CSMD1: variants seen among roughly 807,000 people sequenced by gnomAD.
The protein encoded by CSMD1 is CUB and sushi domain-containing protein 1.
In CSMD1, 213 loss-of-function variants were observed where a neutral mutation model predicts 417.5. The ratio of observed to expected loss-of-function variants is 0.51; its 90% CI spans 0.46 to 0.57. The LOEUF (loss-of-function observed/expected upper bound fraction) is 0.57. Among genes scored for constraint, CSMD1 ranks in the 20% least tolerant of loss-of-function variants. The probability of loss-of-function intolerance (pLI) is 0.00; values close to 1 mark genes in which losing one functional copy is unlikely to be tolerated. For synonymous variants in CSMD1, 2,862 were observed against 1,736.8 expected, an observed-to-expected ratio of 1.65 and a Z score of -16.11; for missense variants, 6,923 against 4,529.7, an observed-to-expected ratio of 1.53 and a Z score of -15.17.
chr8:4,192,243 C>T (rs1325583011), intron 3 of CSMD1, among the ~76,000 whole-genome samples: 3 of 152,026 alleles, frequency 2.0e-5, no homozygotes, highest in African/African-American at 4.8e-5. Context: ...AAATATAGTT[C>T]GTTAGGATTA....
At chr8:4,120,662 C>T (rs145243452) in intron 3 of CSMD1, among the ~76,000 whole-genome samples, 6 of 152,310 alleles carry the variant, frequency 3.9e-5, no homozygotes, top group Non-Finnish European at 5.9e-5. Flanking sequence ...AACTTCATCA[C>T]GTGACTTTTA....
chr8:4,192,920 C>A (rs1196541134), intron 3 of CSMD1, among the ~76,000 whole-genome samples: 1 of 152,152 alleles, frequency 6.6e-6, no homozygotes, highest in East Asian at 1.9e-4. Context: ...ACTCACTTTA[C>A]CTAAGAGTAT....
intron 6 of CSMD1, among the ~76,000 whole-genome samples, chr8:3,731,321 C>CT (rs1796239912): frequency 6.6e-6 from 1 of 152,170 alleles, no homozygotes; most frequent in Non-Finnish European, 1.5e-5. Context: ...CTGAATGCCT[C>CT]TCTTGAAAGA....
At chr8:4,375,749 G>A (rs1364651573) in intron 3 of CSMD1, among the ~76,000 whole-genome samples, 1 of 152,106 alleles carries the variant, frequency 6.6e-6, no homozygotes, top group Non-Finnish European at 1.5e-5. Flanking sequence ...CCTGCACCAT[G>A]CCCTGCCCTG....
intron 3 of CSMD1, among the ~76,000 whole-genome samples, chr8:4,077,004 A>T (rs1156875385): frequency 6.6e-6 from 1 of 152,166 alleles, no homozygotes; most frequent in African/African-American, 2.4e-5. Flanking sequence ...TCCAGCTAAT[A>T]GTAAGAAAAA....
At chr8:4,491,950 A>T (rs529628979) in intron 2 of CSMD1, among the ~76,000 whole-genome samples, 3 of 152,306 alleles carry the variant, frequency 2.0e-5, no homozygotes, top group Non-Finnish European at 4.4e-5. Flanking sequence ...CATAATTGCC[A>T]AAAATTGGAA....
At chr8:4,165,000 G>A (rs1797373340) in intron 3 of CSMD1, among the ~76,000 whole-genome samples, 2 of 152,076 alleles carry the variant, frequency 1.3e-5, no homozygotes, top group South Asian at 4.1e-4. Flanking sequence ...AGTTTCCTAT[G>A]TTCTTGTATG....
At chr8:4,252,213 G>A (rs962126637) in intron 3 of CSMD1, among the ~76,000 whole-genome samples, 1 of 152,134 alleles carries the variant, frequency 6.6e-6, no homozygotes, top group African/African-American at 2.4e-5. Context: ...CAAGACAAAG[G>A]TAAACAGGCA....
intron 1 of CSMD1, among the ~76,000 whole-genome samples, chr8:4,872,494 G>C (rs921577025): frequency 2.6e-5 from 4 of 152,000 alleles, no homozygotes; most frequent in African/African-American, 9.7e-5. Context: ...GCCTTCTGAA[G>C]AAGGCACCTG....
At chr8:3,706,702 G>C (rs1563293066) in intron 7 of CSMD1, among the ~76,000 whole-genome samples, 1 of 151,764 alleles carries the variant, frequency 6.6e-6, no homozygotes, top group Non-Finnish European at 1.5e-5. Context: ...GTAAGAGTTT[G>C]GCCGGATATG....
intron 7 of CSMD1, among the ~76,000 whole-genome samples, chr8:3,631,042 G>A (rs1011049804): frequency 2.0e-5 from 3 of 152,114 alleles, no homozygotes; most frequent in Non-Finnish European, 2.9e-5. Flanking sequence ...ATGCTTCTTT[G>A]CTCGTGCCGC....
intron 7 of CSMD1, among the ~76,000 whole-genome samples, chr8:3,640,091 G>A (rs1326050431): frequency 6.6e-6 from 1 of 152,124 alleles, no homozygotes; most frequent in Non-Finnish European, 1.5e-5. Context: ...AAAAATTGAA[G>A]GCTCTCCCAT....
intron 3 of CSMD1, among the ~76,000 whole-genome samples, chr8:4,070,620 G>C (rs1278473548): frequency 2.0e-5 from 3 of 152,096 alleles, no homozygotes; most frequent in Non-Finnish European, 4.4e-5. Context: ...GCCTCCCAAA[G>C]TGCTGGGATT....
intron 40 of CSMD1, among the ~76,000 whole-genome samples, chr8:3,147,982 C>G (rs994792199): frequency 6.6e-6 from 1 of 152,174 alleles, no homozygotes; most frequent in East Asian, 1.9e-4. Flanking sequence ...CAAGATCACC[C>G]TAACAGCATT....
chr8:4,132,760 T>G (rs1418664403), intron 3 of CSMD1, among the ~76,000 whole-genome samples: 1 of 152,194 alleles, frequency 6.6e-6, no homozygotes, highest in African/African-American at 2.4e-5. Context: ...GTTGATGTTC[T>G]CTACAATCCG....
At chr8:3,442,161 G>A (rs1355194767) in intron 12 of CSMD1, among the ~76,000 whole-genome samples, 9 of 151,818 alleles carry the variant, frequency 5.9e-5, no homozygotes, top group Admixed American at 4.6e-4. Flanking sequence ...TGTGTTTTAG[G>A]CTAAATGTTA....
chr8:3,242,806 G>A (rs1237658743), intron 26 of CSMD1, among the ~76,000 whole-genome samples: 1 of 35,952 alleles, frequency 2.8e-5, no homozygotes, highest in Non-Finnish European at 7.4e-5. Context: ...AGGGGTTGGG[G>A]CGCAGAAATA....
intron 5 of CSMD1, among the ~76,000 whole-genome samples, chr8:3,789,388 G>C (rs1004321341): frequency 1.2e-4 from 6 of 49,158 alleles, no homozygotes; most frequent in Non-Finnish European, 1.9e-4. Flanking sequence ...TTTTTAAGTA[G>C]TGTTTTTTTT....
chr8:3,250,182 A>G (rs1277369349), intron 26 of CSMD1, among the ~76,000 whole-genome samples: 2 of 152,208 alleles, frequency 1.3e-5, no homozygotes, highest in African/African-American at 4.8e-5. Context: ...AACATTAGGT[A>G]TGTCTCCAAA....
Sources: allele counts gnomAD v4.1 joint callset (sites outside exome capture counted in the v4.1 genomes callset), GRCh38; gene constraint gnomAD v4.1.1; transcripts MANE v1.5; gene names NCBI Gene and HGNC (gene_info 2026-07-23, HGNC 2026-07-21).